The following ADAM28 variants were observed in gnomAD, a reference collection of about 807,000 sequenced individuals.
ADAM28 encodes the protein ADAM metallopeptidase domain 28.
A neutral mutation model predicts 101.2 loss-of-function variants in ADAM28; 105 were observed. The ratio of observed to expected loss-of-function variants is 1.04; its 90% CI spans 0.89 to 1.22. The LOEUF (loss-of-function observed/expected upper bound fraction) is 1.22. Among genes scored for constraint, ADAM28 ranks in the 50% most tolerant of loss-of-function variants. The pLI, the probability that ADAM28 is intolerant of heterozygous loss-of-function variation, is 0.00. For missense variants in ADAM28, 1,028 were observed against 945.4 expected (o/e 1.09, Z -1.15); for synonymous variants, 322 against 310.6 (o/e 1.04, Z -0.39).
rs1816605265 is a variant in ADAM28 at position 24,355,291 on chromosome 8, GTAATGTAGCAAACACT to G, written c.*888_*903del. Reference sequence around the variant, plus strand: ...TAGCAACCGTCAGCTTAGTTGATGGGTAATGTAGCAAACACTATTGGTTTCCTACCAAATAATCCCC... The same window carrying G: ...TAGCAACCGTCAGCTTAGTTGATGGGATTGGTTTCCTACCAAATAATCCCC... On this transcript the variant is annotated 3_prime_UTR_variant, in exon 23 of 23. Coordinates refer to ENST00000265769, the MANE Select transcript of ADAM28 (RefSeq NM_014265.6). The G allele has an allele frequency of 6.6e-6, 1 of 152,128 alleles. No individual in the cohort carries two copies. The highest frequency in any genetic ancestry group is 1.5e-5 in the Non-Finnish European group (1 of 67,994). The allele number at this position is 152,128 out of a possible 1,614,324, so 9.4% of individuals were successfully genotyped here.
Position 24,320,291 on chromosome 8 carries a change from T to G in ADAM28, c.632T>G (p.Val211Gly). ...GAGAAATACATAGAATATTATTTGGTCCTGGATAATGGTGAGGTAATTATA... is the reference window on the plus strand; with the variant it reads ...GAGAAATACATAGAATATTATTTGGGCCTGGATAATGGTGAGGTAATTATA... Reference protein sequence around the residue: ...EHEKYIEYYLVLDNGEFKRYN... With the variant: ...EHEKYIEYYLGLDNGEFKRYN... Residue 211 changes from valine (V) to glycine (G), a missense_variant, in exon 7 of 23, where the codon GTC becomes GGC. Coordinates refer to ENST00000265769, the MANE Select transcript of ADAM28 (RefSeq NM_014265.6). 1.9e-6 allele frequency: 3 copies of G among 1,602,346 alleles called. No individual in the cohort carries two copies. The highest frequency in any genetic ancestry group is 2.6e-6 in the Non-Finnish European group (3 of 1,171,430).
At chr8:24,333,153 C>A (rs1198985140) in intron 13 of ADAM28, among the ~76,000 whole-genome samples, 1 of 152,006 alleles carries the variant, frequency 6.6e-6, no homozygotes, top group African/African-American at 2.4e-5. Context: ...ATGGTGTTTA[C>A]CAAGGGCAAG....
chr8:24,338,662 T>G (rs1814394791), intron 14 of ADAM28, among the ~76,000 whole-genome samples: 1 of 152,206 alleles, frequency 6.6e-6, no homozygotes, highest in Non-Finnish European at 1.5e-5. Context: ...ATGCCGTATC[T>G]TCATAGGTGT....
Position 24,339,477 on chromosome 8 carries a change from G to A in ADAM28, c.1579G>A (p.Ala527Thr). The change falls in exon 15 of 23, where the codon GCA becomes ACA. Residue 527 changes from alanine (A) to threonine (T), a missense_variant. By Grantham distance (58) the Ala-to-Thr change is moderately conservative (BLOSUM62 0). Coordinates refer to ENST00000265769, the MANE Select transcript of ADAM28 (RefSeq NM_014265.6). Reference protein sequence around the residue: ...TELWGPGTEVADKSCYNRNEG... With the variant: ...TELWGPGTEVTDKSCYNRNEG... ...GATCCTGGTCCCAGGAACTGAGGTT[G>A]CAGATAAGTCATGTTACAACAGGAA... 6.2e-7 allele frequency: 1 copy of A among 1,612,734 alleles called. No individual in the cohort carries two copies. The highest frequency in any genetic ancestry group is 8.5e-7 in the Non-Finnish European group (1 of 1,179,280).
intron 9 of ADAM28, 67 bp from the exon 10 acceptor site, chr8:24,326,487 A>G (rs1316153337): frequency 1.4e-6 from 2 of 1,431,132 alleles, no homozygotes; most frequent in East Asian, 2.3e-5. Context: ...AGGGTTTTGG[A>G]TGTATTGTCT....
rs1454405924 is a variant in ADAM28, at chr8:24,354,800, T to C, written c.*396T>C. 1.3e-5 allele frequency: 2 copies of C among 156,526 alleles called. No individual in the cohort carries two copies. Among genetic ancestry groups the C allele is most frequent in the Admixed American group, 6.5e-5 (1 of 15,334 alleles). 9.7% of individuals were successfully genotyped at this position (156,526 alleles called of 1,614,324 possible). Reference sequence around the variant, plus strand: ...ATTGATTGCAACATCTTGATTGTTTTAACCATTAACTTGTCAAATTACAAT... The same window carrying C: ...ATTGATTGCAACATCTTGATTGTTTCAACCATTAACTTGTCAAATTACAAT... On this transcript the variant is annotated 3_prime_UTR_variant, in exon 23 of 23. Transcript: ENST00000265769.
intron 22 of ADAM28, 151 bp downstream of exon 22, chr8:24,353,983 G>A (rs78367769): frequency 0.011 from 5,766 of 546,278 alleles, 253 homozygotes; most frequent in African/African-American, 0.099. Flanking sequence ...CTTATTTCTC[G>A]GTATGGCCAA....
Position 24,341,705 on chromosome 8 carries a change from C to G in ADAM28, c.1778C>G (p.Thr593Arg). The G allele has an allele frequency of 6.2e-7, 1 of 1,613,738 alleles. No homozygotes were observed. Among genetic ancestry groups the G allele is most frequent in the Non-Finnish European group, 8.5e-7 (1 of 1,179,836 alleles). ...LTCKTFDPEDTSQEIGMVANG... is the reference protein window; with the variant it reads ...LTCKTFDPEDRSQEIGMVANG... ...TGTAAAACATTTGATCCTGAAGACA[C>G]AAGTCAAGAAATAGGCATGGTGGCC... is the stretch of plus-strand genomic sequence containing the variant. The change falls in exon 16 of 23, where the codon ACA becomes AGA. Residue 593 changes from threonine (T) to arginine (R), a missense_variant. Coordinates refer to ENST00000265769, the MANE Select transcript of ADAM28 (RefSeq NM_014265.6).
intron 10 of ADAM28, 57 bp from the exon 11 acceptor site, chr8:24,329,928 G>A: frequency 6.4e-7 from 1 of 1,554,422 alleles, no homozygotes; most frequent in Non-Finnish European, 8.8e-7. Context: ...GGCAAGTAGA[G>A]TGATGTATAA....
In ADAM28 at chr8:24,317,159, A is replaced by T. The variant is rs1384849164; in HGVS notation, c.577-3077A>T. On this transcript the variant is annotated intron_variant, in intron 6 of 22. Transcript: ENST00000265769. ...GTAGATTCAATGCAGTCCTTATAAAAACCCCAATGACAGTATTTACAGAAA... is the reference window on the plus strand; with the variant it reads ...GTAGATTCAATGCAGTCCTTATAAATACCCCAATGACAGTATTTACAGAAA... Among the ~76,000 whole-genome samples, 5 of 152,102 alleles carry T rather than the reference A, an allele frequency of 3.3e-5. 1 individual carries two copies. The highest frequency in any genetic ancestry group is 2.6e-4 in the Admixed American group (4 of 15,236).
rs747833359 is a variant in ADAM28 at position 24,349,900 on chromosome 8, C to T, written c.2027C>T (p.Ala676Val). Residue 676 changes from alanine (A) to valine (V), a missense_variant, in exon 19 of 23, where the codon GCG (alanine) becomes GTG (valine). Ala to Val is a moderately conservative substitution (Grantham distance 64, BLOSUM62 0). Coordinates refer to ENST00000265769, the MANE Select transcript of ADAM28 (RefSeq NM_014265.6). ...SIVVGVLFPM[A>V]VIFVVVAMVI... The stretch of plus-strand genomic sequence containing the variant: ...GTGGTTGGGGTGCTGTTCCCAATGG[C>T]GGTCATTTTTGTGGTGGTTGCTATG... 3.5e-5 allele frequency: 56 copies of T among 1,613,494 alleles called. No homozygotes were observed. The highest frequency in any genetic ancestry group is 1.5e-4 in the Admixed American group (9 of 59,972).
At chr8:24,348,636 A>T (rs1815704808) in intron 18 of ADAM28, among the ~76,000 whole-genome samples, 2 of 152,176 alleles carry the variant, frequency 1.3e-5, no homozygotes, top group Admixed American at 6.5e-5. Context: ...AAAGATTAAA[A>T]GATTATTTTT....
chr8:24,303,618 A>C (rs536682094), intron 2 of ADAM28, among the ~76,000 whole-genome samples: 6 of 152,282 alleles, frequency 3.9e-5, no homozygotes, highest in African/African-American at 1.4e-4. Context: ...TGTCTTGGCT[A>C]TACAGGCTCT....
chr8:24,328,108 A>G (rs1037434736), intron 10 of ADAM28, among the ~76,000 whole-genome samples: 1 of 151,646 alleles, frequency 6.6e-6, no homozygotes, highest in Non-Finnish European at 1.5e-5. Context: ...CATTTCCAGC[A>G]CTCTTTACTT....
intron 2 of ADAM28, chr8:24,308,785 T>C (rs578147808): frequency 2.2e-6 from 1 of 445,350 alleles, no homozygotes; most frequent in African/African-American, 2.0e-5. Flanking sequence ...ACTGTAAGAA[T>C]TGACTTTGGA....
intron 1 of ADAM28, 155 bp from the exon 2 acceptor site, chr8:24,299,819 T>C (rs1330361034): frequency 1.4e-5 from 7 of 516,876 alleles, no homozygotes; most frequent in Non-Finnish European, 2.4e-5. Context: ...AGGTTGTTGC[T>C]CTCTTCTGGT....
intron 2 of ADAM28, 122 bp downstream of exon 2, chr8:24,300,199 T>C: frequency 2.9e-6 from 2 of 682,934 alleles, no homozygotes; most frequent in Non-Finnish European, 4.6e-6. Flanking sequence ...TATGTGTGTG[T>C]GTGTATGTGT....
intron 2 of ADAM28, among the ~76,000 whole-genome samples, chr8:24,309,071 T>C (rs1242604681): frequency 6.6e-6 from 1 of 152,230 alleles, no homozygotes; most frequent in African/African-American, 2.4e-5. Flanking sequence ...CCCTGTTTTA[T>C]AGACCAAAGT....
chr8:24,329,211 C>T (rs545555809), intron 10 of ADAM28, among the ~76,000 whole-genome samples: 2 of 152,202 alleles, frequency 1.3e-5, no homozygotes, highest in South Asian at 2.1e-4. Context: ...ATCAACTTCC[C>T]AACTTACACA....
Sources: gnomAD v4.1 joint callset for allele counts (sites outside exome capture counted in the v4.1 genomes callset) on GRCh38, gnomAD v4.1.1 for gene constraint, MANE v1.5 for transcripts, NCBI Gene and HGNC (gene_info 2026-07-23, HGNC 2026-07-21) for gene names.